The following KALRN variants were observed in gnomAD, a reference collection of about 807,000 sequenced individuals.
KALRN encodes the protein kalirin.
In KALRN, 70 loss-of-function variants were observed where a neutral mutation model predicts 353.7. That is an observed-to-expected ratio of 0.20 (90% CI 0.16 to 0.24). The LOEUF (loss-of-function observed/expected upper bound fraction) is 0.24. KALRN is among the 10% of genes least tolerant of loss of function. The pLI, the probability that KALRN is intolerant of heterozygous loss-of-function variation, is 1.00. For missense variants in KALRN, 2,791 were observed against 3,756.7 expected, an observed-to-expected ratio of 0.74 and a Z score of 6.72; for synonymous variants, 1,391 against 1,434.8, an observed-to-expected ratio of 0.97 and a Z score of 0.69.
At chr3:124,276,968 T>C (rs979360912) in intron 5 of KALRN, among the ~76,000 whole-genome samples, 2 of 152,032 alleles carry the variant, frequency 1.3e-5, no homozygotes, top group African/African-American at 2.4e-5. Context: ...CACACACACA[T>C]GTGTGCACAC....
At chr3:124,134,284 G>T (rs2065663877) in intron 1 of KALRN, among the ~76,000 whole-genome samples, 1 of 152,006 alleles carries the variant, frequency 6.6e-6, no homozygotes, top group South Asian at 2.1e-4. Context: ...GTAGGGAAAG[G>T]ACACCCTTTT....
intron 1 of KALRN, among the ~76,000 whole-genome samples, chr3:124,186,038 G>A (rs1359792350): frequency 6.6e-6 from 1 of 152,166 alleles, no homozygotes; most frequent in African/African-American, 2.4e-5. Flanking sequence ...CTTTCATGGT[G>A]AGCTGGAATC....
chr3:124,631,885 A>G (rs1464913947), intron 34 of KALRN, among the ~76,000 whole-genome samples: 1 of 152,116 alleles, frequency 6.6e-6, no homozygotes, highest in Non-Finnish European at 1.5e-5. Context: ...CACCAAGGCC[A>G]CCCCAGGCCT....
Position 124,650,948 on chromosome 3 carries a change from T to C in KALRN, c.5795+10T>C. 1.9e-6 allele frequency: 3 copies of C among 1,613,814 alleles called. No homozygotes were observed. Among genetic ancestry groups the C allele is most frequent in the Non-Finnish European group, 2.5e-6 (3 of 1,179,936 alleles). On this transcript the variant is annotated intron_variant, in intron 38 of 59. Transcript: ENST00000682506. ...CCCTGAGAGGCAGGATGTAAGTGGC[T>C]TCCCCAGTTCCTCCCTGTGGTGCAC... is the stretch of plus-strand genomic sequence containing the variant.
intron 37 of KALRN, among the ~76,000 whole-genome samples, chr3:124,645,868 G>C (rs1434916692): frequency 6.6e-6 from 1 of 151,142 alleles, no homozygotes; most frequent in African/African-American, 2.4e-5. Context: ...AATTTATTTG[G>C]GAACCTCCCT....
intron 11 of KALRN, among the ~76,000 whole-genome samples, chr3:124,394,811 AG>A (rs2089955877): frequency 6.6e-6 from 1 of 152,160 alleles, no homozygotes; most frequent in Non-Finnish European, 1.5e-5. Context: ...CGTTCATTCT[AG>A]TCTCCTGTTC....
At chr3:124,446,584 G>A (rs2093846495) in intron 20 of KALRN, among the ~76,000 whole-genome samples, 179 bp from the exon 21 acceptor site, 1 of 152,140 alleles carries the variant, frequency 6.6e-6, no homozygotes, top group Non-Finnish European at 1.5e-5. Flanking sequence ...GCTGGTAAAT[G>A]TTCCAAAGCA....
At chr3:124,141,647 G>A (rs1176060445) in intron 1 of KALRN, among the ~76,000 whole-genome samples, 1 of 152,168 alleles carries the variant, frequency 6.6e-6, no homozygotes, top group Non-Finnish European at 1.5e-5. Context: ...GTTGCAAATT[G>A]TCTTTTCCAT....
At chr3:124,509,073 T>C (rs1034789261) in intron 33 of KALRN, among the ~76,000 whole-genome samples, 2 of 152,220 alleles carry the variant, frequency 1.3e-5, no homozygotes, top group Non-Finnish European at 2.9e-5. Flanking sequence ...GTCATGTATG[T>C]AATATGTTTC....
intron 33 of KALRN, among the ~76,000 whole-genome samples, chr3:124,515,622 A>G (rs2066449759): frequency 6.6e-6 from 1 of 152,252 alleles, no homozygotes; most frequent in Non-Finnish European, 1.5e-5. Flanking sequence ...TGGAATCAGA[A>G]AGCCAAAGTA....
chr3:124,356,808 G>C (rs1406374711), intron 10 of KALRN, among the ~76,000 whole-genome samples: 1 of 152,060 alleles, frequency 6.6e-6, no homozygotes, highest in African/African-American at 2.4e-5. Flanking sequence ...TTGTTCCTCA[G>C]ATCTTCTCTT....
At chr3:124,500,448 C>T (rs1369774361) in intron 33 of KALRN, among the ~76,000 whole-genome samples, 1 of 152,188 alleles carries the variant, frequency 6.6e-6, no homozygotes, top group Non-Finnish European at 1.5e-5. Context: ...ACTTGGAAAC[C>T]TCCTTGTCTG....
chr3:124,339,288 G>T (rs1489772817), intron 9 of KALRN, among the ~76,000 whole-genome samples: 1 of 152,020 alleles, frequency 6.6e-6, no homozygotes, highest in Non-Finnish European at 1.5e-5. Flanking sequence ...TGAGACTTTG[G>T]GTCTCTGGAC....
At chr3:124,048,270 G>C (rs2040697685) in intron 1 of KALRN, among the ~76,000 whole-genome samples, 1 of 152,098 alleles carries the variant, frequency 6.6e-6, no homozygotes, top group African/African-American at 2.4e-5. Context: ...AAGATATATG[G>C]TCAAAGTGAA....
Position 124,063,620 on chromosome 3 carries a change from T to C in KALRN, c.73+29807T>C, listed in dbSNP as rs190304668. Among the ~76,000 whole-genome samples, 124 of 152,310 alleles carry C rather than the reference T, an allele frequency of 8.1e-4. 1 individual carries two copies. The highest frequency in any genetic ancestry group is 1.4e-3 in the Non-Finnish European group (92 of 68,026). On this transcript the variant is annotated intron_variant, in intron 1 of 59. Transcript: ENST00000682506. ...CAGTATTTAGCAAGATGTTAGGACA[T>C]TTTGGAAGCAAGAAAGCCCTTCTTT...
rs1273741730 is a variant in KALRN at position 124,269,085 on chromosome 3, C to T, written c.799C>T (p.Arg267Cys). 1.9e-5 allele frequency: 30 copies of T among 1,612,504 alleles called. No homozygotes were observed. The highest frequency in any genetic ancestry group is 2.5e-5 in the Non-Finnish European group (29 of 1,179,552). Residue 267 changes from arginine (R) to cysteine (C), a missense_variant, in exon 5 of 60, where the codon CGC becomes TGC. This residue lies in a region of KALRN where 366 missense variants were observed against 489.2 expected (regional missense o/e 0.75). Transcript: ENST00000682506. Reference protein sequence around the residue: ...CIRCSDGFSGRNCIPGSADFQ... With the variant: ...CIRCSDGFSGCNCIPGSADFQ... ...CCGCTGCAGCGACGGCTTCTCAGGA[C>T]GCAACTGCATCCCGGGCAGTGCTGA...
At chr3:124,103,931 G>A (rs1329067317) in intron 1 of KALRN, among the ~76,000 whole-genome samples, 3 of 152,086 alleles carry the variant, frequency 2.0e-5, no homozygotes, top group African/African-American at 7.2e-5. Flanking sequence ...ACTCTAGCCT[G>A]GGTGGCAGAG....
Position 124,725,544 on chromosome 3 carries a change from C to G in KALRN, c.*6074C>G, listed in dbSNP as rs1321445935. ...TCATATGCAGAAATCTATCCATTTG[C>G]AGACAGCCCAGGTGGGTCAATGTTT... is the stretch of plus-strand genomic sequence containing the variant. On this transcript the variant is annotated 3_prime_UTR_variant, in exon 60 of 60. Coordinates refer to ENST00000682506, the MANE Select transcript of KALRN (RefSeq NM_001388419.1). 1.3e-5 allele frequency: 2 copies of G among 152,140 alleles called. No individual in the cohort carries two copies. Among genetic ancestry groups the G allele is most frequent in the African/African-American group, 4.8e-5 (2 of 41,418 alleles). 9.4% of individuals were successfully genotyped at this position (152,140 alleles called of 1,614,324 possible). A position where few individuals can be genotyped will look rare whatever the true frequency, so the allele number is the denominator to read the frequency against.
chr3:124,705,139 T>C (rs1046042217), intron 57 of KALRN, among the ~76,000 whole-genome samples: 1 of 152,184 alleles, frequency 6.6e-6, no homozygotes, highest in Non-Finnish European at 1.5e-5. Flanking sequence ...GGATTGTCAC[T>C]GGAAATGCTG....
Sources: gnomAD v4.1 joint callset for allele counts (sites outside exome capture counted in the v4.1 genomes callset) on GRCh38, gnomAD v4.1.1 for gene constraint, gnomAD v4.1.1 regional missense constraint, MANE v1.5 for transcripts, NCBI Gene and HGNC (gene_info 2026-07-23, HGNC 2026-07-21) for gene names.